The following DPP6 variants were observed in gnomAD, a reference collection of about 807,000 sequenced individuals.
DPP6 encodes the protein dipeptidyl peptidase like 6.
A neutral mutation model predicts 122.6 loss-of-function variants in DPP6; 69 were observed. The observed-to-expected ratio is 0.56, with a 90% CI of 0.46 to 0.69. The LOEUF (loss-of-function observed/expected upper bound fraction) is 0.69, where lower values mean the gene tolerates loss of function less well. DPP6 is among the 30% of genes least tolerant of loss of function. DPP6 has a pLI of 0.00. For synonymous variants in DPP6, 418 were observed against 433.1 expected (o/e 0.97, Z 0.43); for missense variants, 928 against 1,116.9 (o/e 0.83, Z 2.41).
At chr7:154,052,000 G>A (rs748354983), upstream of DPP6, among the ~76,000 whole-genome samples, 70 of 151,392 alleles carry the variant, frequency 4.6e-4, no homozygotes, top group Middle Eastern at 3.5e-3. Flanking sequence ...GCCCGGCGCC[G>A]CAGCGCGTGC....
intron 1 of DPP6, among the ~76,000 whole-genome samples, chr7:153,947,370 C>T (rs1346532191): frequency 6.6e-6 from 1 of 152,110 alleles, no homozygotes; most frequent in African/African-American, 2.4e-5. Context: ...GGCCTGTCTT[C>T]TCGGCTTGTA....
intron 7 of DPP6, among the ~76,000 whole-genome samples, chr7:154,726,347 C>T (rs1344449556): frequency 2.0e-5 from 3 of 152,336 alleles, no homozygotes; most frequent in African/African-American, 4.8e-5. Flanking sequence ...GCATTTCATA[C>T]ATCCTGAAAT....
chr7:154,037,563 A>G (rs1799600944), intron 1 of DPP6, among the ~76,000 whole-genome samples: 1 of 139,996 alleles, frequency 7.1e-6, no homozygotes, highest in East Asian at 2.0e-4. Flanking sequence ...TATATAAGAA[A>G]TGAATTAATT....
At chr7:154,153,361 A>G (rs1249944257) in intron 1 of DPP6, among the ~76,000 whole-genome samples, 2 of 152,002 alleles carry the variant, frequency 1.3e-5, no homozygotes, top group African/African-American at 4.8e-5. Flanking sequence ...AATTTTTTGT[A>G]TTTTTAGTAG....
rs371830206 is a variant in DPP6 at position 154,702,324 on chromosome 7, C to G, written c.763-25443C>G. On this transcript the variant is annotated intron_variant, in intron 7 of 25. Transcript: ENST00000377770. ...ATAAATGGAAGAATTGCAGGTCTCT[C>G]ACTTTAAATCAAAAGCTAGAAATGA... Among the ~76,000 whole-genome samples, 191 of 152,334 alleles carry G rather than the reference C, an allele frequency of 1.3e-3. 7 individuals carry two copies. The South Asian group carries it at 0.037, about 30-fold the overall frequency.
chr7:153,848,286 G>A, the DPP6 span, among the ~76,000 whole-genome samples: 2 of 14,440 alleles, frequency 1.4e-4, no homozygotes, highest in African/African-American at 2.9e-4. Context: ...TCCTCACCCC[G>A]CTCCCCGAGA....
intron 1 of DPP6, among the ~76,000 whole-genome samples, chr7:154,369,758 G>C (rs1325646594): frequency 6.6e-6 from 1 of 152,168 alleles, no homozygotes; most frequent in African/African-American, 2.4e-5. Flanking sequence ...TGGCCTCTCT[G>C]TGCCCAGCCC....
chr7:154,587,484 A>G, intron 5 of DPP6: 2 of 730,190 alleles, frequency 2.7e-6, no homozygotes, highest in Non-Finnish European at 4.4e-6. Context: ...AGCAAGACAC[A>G]GCTTCATGCA....
intron 1 of DPP6, among the ~76,000 whole-genome samples, chr7:154,139,646 A>AC (rs757946031): frequency 6.6e-5 from 10 of 151,604 alleles, no homozygotes; most frequent in Non-Finnish European, 1.3e-4. Flanking sequence ...GGAGGGCACC[A>AC]CACCTTCTGA....
intron 1 of DPP6, among the ~76,000 whole-genome samples, chr7:154,421,994 C>A (rs1817508869): frequency 6.6e-6 from 1 of 152,140 alleles, no homozygotes; most frequent in Non-Finnish European, 1.5e-5. Context: ...AAAGAATGGA[C>A]AGGGTCAGGA....
At chr7:154,823,532 A>G (rs1799940500) in intron 16 of DPP6, among the ~76,000 whole-genome samples, 1 of 152,230 alleles carries the variant, frequency 6.6e-6, no homozygotes, top group Admixed American at 6.5e-5. Flanking sequence ...GCCTGCGGAT[A>G]AAGTTTTAGG....
rs1184878413 is a variant in DPP6, at chr7:154,200,958, G to C, written c.243+147895G>C. Among the ~76,000 whole-genome samples the C allele has an allele frequency of 2.0e-5, 3 of 151,926 alleles. No homozygotes were observed. In the East Asian group the frequency reaches 5.8e-4, roughly 29 times the overall value. ...GTTTCCTTTAAAAAAAAAAATTGTG[G>C]GCTTCTCTTCCCCATCAAAATGACA... On this transcript the variant is annotated intron_variant, in intron 1 of 25. Coordinates refer to ENST00000377770, the MANE Select transcript of DPP6 (RefSeq NM_130797.4).
At chr7:154,845,823 C>T (rs373593984) in intron 16 of DPP6, among the ~76,000 whole-genome samples, 3 of 152,236 alleles carry the variant, frequency 2.0e-5, no homozygotes, top group East Asian at 1.9e-4. Context: ...TGAACTGTTT[C>T]GACTTTCAGT....
chr7:154,500,768 A>C (rs1432494309), intron 3 of DPP6, among the ~76,000 whole-genome samples: 2 of 152,202 alleles, frequency 1.3e-5, no homozygotes, highest in African/African-American at 2.4e-5. Context: ...TAATACAGTA[A>C]ATTGGTACCA....
chr7:154,533,097 C>T (rs968379590), intron 3 of DPP6, among the ~76,000 whole-genome samples: 3 of 152,244 alleles, frequency 2.0e-5, no homozygotes, highest in Admixed American at 2.0e-4. Flanking sequence ...TTCAATTATA[C>T]TTCTCCATAA....
At chr7:154,305,394 T>C in intron 1 of DPP6, 2 of 1,009,712 alleles carry the variant, frequency 2.0e-6, no homozygotes, top group Admixed American at 5.6e-5. Flanking sequence ...AAGTATGGAC[T>C]AAAATCACAC....
chr7:154,823,480 T>G (rs1799936945), intron 16 of DPP6, among the ~76,000 whole-genome samples: 1 of 152,226 alleles, frequency 6.6e-6, no homozygotes. Context: ...TATTGGCAAC[T>G]TTATATGTGT....
intron 1 of DPP6, among the ~76,000 whole-genome samples, chr7:154,104,793 CTATG>C (rs747759540): frequency 1.4e-3 from 209 of 152,112 alleles, no homozygotes; most frequent in Non-Finnish European, 2.0e-3. Context: ...TGGCACACCT[CTATG>C]TGTGTGCTTA....
chr7:154,743,622 T>C (rs1218558059), intron 8 of DPP6, among the ~76,000 whole-genome samples: 1 of 152,216 alleles, frequency 6.6e-6, no homozygotes, highest in Non-Finnish European at 1.5e-5. Context: ...TTTGCTGTCG[T>C]TTTTGCTGTT....
Sources: gnomAD v4.1 joint callset for allele counts (sites outside exome capture counted in the v4.1 genomes callset) on GRCh38, gnomAD v4.1.1 for gene constraint, MANE v1.5 for transcripts, NCBI Gene and HGNC (gene_info 2026-07-23, HGNC 2026-07-21) for gene names.